STRN4: variants seen among roughly 807,000 people sequenced by gnomAD.
The protein encoded by STRN4 is striatin-4.
In STRN4, 27 loss-of-function variants were observed where a neutral mutation model predicts 77.9. That is an observed-to-expected ratio of 0.35 (90% CI 0.26 to 0.48). The LOEUF (loss-of-function observed/expected upper bound fraction) is 0.48, where lower values mean the gene tolerates loss of function less well. Among genes scored for constraint, STRN4 ranks in the 20% least tolerant of loss-of-function variants. STRN4 has a pLI of 0.99. For missense variants in STRN4, 798 were observed against 1,049.7 expected (o/e 0.76, Z 3.31); for synonymous variants, 466 against 443.1 (o/e 1.05, Z -0.65).
chr19:46,737,465 A>G (rs1490177757), intron 3 of STRN4, among the ~76,000 whole-genome samples: 1 of 152,172 alleles, frequency 6.6e-6, no homozygotes, highest in Non-Finnish European at 1.5e-5. Flanking sequence ...GGCAGCAGGT[A>G]ATGACCATCA....
At position 46,738,714 on chromosome 19, in the gene STRN4, G is replaced by T; in HGVS notation, c.386+71C>A. ...ATCTCCCTTAGCTGGAAGGAGGCGT[G>T]GCTGGTGGCCTCCTGACACTGTGCT... On this transcript the variant is annotated intron_variant, in intron 2 of 17. Coordinates refer to ENST00000263280, the MANE Select transcript of STRN4 (RefSeq NM_013403.3). This position sits in a 1 kb window ranked among gnomAD's most constrained non-coding sequence, Gnocchi z 4.5. The T allele has an allele frequency of 7.0e-7, 1 of 1,430,146 alleles. No homozygotes were observed. Among genetic ancestry groups the T allele is most frequent in the Non-Finnish European group, 9.9e-7 (1 of 1,014,526 alleles). The allele number at this position is 1,430,146 out of a possible 1,614,324, so 88.6% of individuals were successfully genotyped here. A position where few individuals can be genotyped will look rare whatever the true frequency, so the allele number is the denominator to read the frequency against.
chr19:46,729,912 C>A (rs1023214190), intron 6 of STRN4, among the ~76,000 whole-genome samples: 7 of 152,064 alleles, frequency 4.6e-5, no homozygotes, highest in Admixed American at 3.9e-4. Flanking sequence ...GGGCCAGGGC[C>A]CCCTGGGAGC....
At chr19:46,726,275 CGGGGAAGTGTTTAGAGCA>C in intron 9 of STRN4, 1 of 152,934 alleles carries the variant, frequency 6.5e-6, no homozygotes, top group South Asian at 2.1e-4. Context: ...AACAAGGAGC[CGGGGAAGTGTTTAGAGCA>C]GGGGAACGAC....
At position 46,727,342 on chromosome 19, in the gene STRN4, C is replaced by T. The variant is rs2054140968; in HGVS notation, c.1248+110G>A. On this transcript the variant is annotated intron_variant, in intron 9 of 17. Coordinates refer to ENST00000263280, the MANE Select transcript of STRN4 (RefSeq NM_013403.3). ...CTCCACTGTCTACATCTGCACCCCT[C>T]TGTGAAACAGGATGAGCAGGGCACG... 9.8e-6 allele frequency: 9 copies of T among 917,506 alleles called. No homozygotes were observed. The South Asian group carries it at 1.4e-4, about 14-fold the overall frequency. The allele number at this position is 917,506 out of a possible 1,614,324, so 56.8% of individuals were successfully genotyped here.
At chr19:46,740,514 A>C (rs2054454702) in intron 1 of STRN4, among the ~76,000 whole-genome samples, 1 of 151,796 alleles carries the variant, frequency 6.6e-6, no homozygotes, top group Non-Finnish European at 1.5e-5. Context: ...TACTCTCTGA[A>C]TCACTGGAGA....
intron 14 of STRN4, 52 bp downstream of exon 14, chr19:46,722,758 G>A (rs1216042057): frequency 6.2e-7 from 1 of 1,601,688 alleles, no homozygotes; most frequent in African/African-American, 1.3e-5. Context: ...GGAGGAAGTG[G>A]GGCCCAGAAG....
Position 46,720,324 on chromosome 19 carries a change from G to A in STRN4, c.*81C>T, listed in dbSNP as rs547526300. 1.5e-5 allele frequency: 5 copies of A among 334,736 alleles called. No homozygotes were observed. Among genetic ancestry groups the A allele is most frequent in the African/African-American group, 6.4e-5 (3 of 47,228 alleles). 20.7% of individuals were successfully genotyped at this position (334,736 alleles called of 1,614,324 possible). A position where few individuals can be genotyped will look rare whatever the true frequency, so the allele number is the denominator to read the frequency against. On this transcript the variant is annotated 3_prime_UTR_variant, in exon 18 of 18. Transcript: ENST00000263280. ...GAGGCCAGGCCTCTGCACCTCCAGC[G>A]AGGCTGGGAGTCCCCTGCGGGAAAG...
At chr19:46,730,575 G>A (rs938520884) in intron 6 of STRN4, among the ~76,000 whole-genome samples, 157 bp downstream of exon 6, 9 of 152,148 alleles carry the variant, frequency 5.9e-5, no homozygotes, top group African/African-American at 1.9e-4. Context: ...TTACAAGGCC[G>A]CTGCTGGCCA....
chr19:46,734,865 C>T (rs1301108742), intron 4 of STRN4, among the ~76,000 whole-genome samples: 2 of 152,052 alleles, frequency 1.3e-5, no homozygotes, highest in Non-Finnish European at 2.9e-5. Context: ...GGGGTTTTGC[C>T]GTGTTAGCCA....
rs571634304 is a variant in STRN4, at chr19:46,735,488, T to C, written c.539+1335A>G. On this transcript the variant is annotated intron_variant, in intron 4 of 17. Transcript: ENST00000263280. ...CAGCCTGGGAGACAGAGTGAGTTTA[T>C]TTATTTATTAAGATAACAGAGGCAA... 1.1e-4 allele frequency among the ~76,000 whole-genome samples: 16 copies of C among 151,774 alleles called. 1 individual carries two copies. The East Asian group carries it at 2.9e-3, about 28-fold the overall frequency.
intron 16 of STRN4, chr19:46,721,140 G>A (rs569932310): frequency 3.4e-4 from 61 of 177,748 alleles, no homozygotes; most frequent in Non-Finnish European, 6.1e-4. Context: ...GGCCCCAGGA[G>A]GAATGCAGGG....
intron 1 of STRN4, 186 bp downstream of exon 1, chr19:46,745,963 G>A (rs1047701577): frequency 1.4e-4 from 68 of 470,978 alleles, no homozygotes; most frequent in Non-Finnish European, 1.9e-4. Context: ...GTCCCACCCC[G>A]GAGTGCCCTC....
At chr19:46,728,922 C>CAGGGG in intron 6 of STRN4, 145 bp from the exon 7 acceptor site, 1 of 1,228,764 alleles carries the variant, frequency 8.1e-7, no homozygotes. Flanking sequence ...TGCCCTGGAG[C>CAGGGG]GCCCCCTGCT....
Position 46,746,371 on chromosome 19 carries a change from G to T in STRN4, c.60C>A (p.Leu20=). The change falls in exon 1 of 18, where the codon CTC becomes CTA. Residue 20 remains leucine, a synonymous_variant. Coordinates refer to ENST00000263280, the MANE Select transcript of STRN4 (RefSeq NM_013403.3). ...TGGGGCCAGGGCCCGCGCCTGAGCC[G>T]AGCGGACGGCAGGAGGAGGCGGCGG... ...VAAAASSCRP[L]GSGAGPGPTG... 6 of 1,149,420 alleles carry T rather than the reference G, an allele frequency of 5.2e-6. No homozygotes were observed. The highest frequency in any genetic ancestry group is 6.4e-6 in the Non-Finnish European group (6 of 937,060). 71.2% of individuals were successfully genotyped at this position (1,149,420 alleles called of 1,614,324 possible).
chr19:46,727,391 A>G, intron 9 of STRN4, 61 bp downstream of exon 9: 1 of 1,434,992 alleles, frequency 7.0e-7, no homozygotes, highest in South Asian at 1.2e-5. Context: ...CAGAGCTTGC[A>G]GGGGCTGGCC....
intron 5 of STRN4, 155 bp from the exon 6 acceptor site, chr19:46,731,028 AC>A: frequency 9.9e-7 from 1 of 1,012,302 alleles, no homozygotes; most frequent in Non-Finnish European, 1.4e-6. Context: ...CAGAGCCCCA[AC>A]CCCAGCCTCT....
At chr19:46,740,199 G>A (rs1282126699) in intron 1 of STRN4, 1 of 152,220 alleles carries the variant, frequency 6.6e-6, no homozygotes, top group African/African-American at 2.4e-5. Flanking sequence ...TGAGGCAGGA[G>A]AATCGCTTGA....
At chr19:46,726,768 T>C (rs28629329) in intron 9 of STRN4, among the ~76,000 whole-genome samples, 5,580 of 152,298 alleles carry the variant, frequency 0.037, 304 homozygotes, top group African/African-American at 0.13. Context: ...CTGCCTTAGC[T>C]GTCCCTTCTG....
chr19:46,746,242 C>T lies in STRN4; in HGVS notation c.189G>A (p.Leu63=), dbSNP rs1485721717. The change falls in exon 1 of 18, where the codon CTG becomes CTA. Residue 63 remains leucine, a synonymous_variant. Coordinates refer to ENST00000263280, the MANE Select transcript of STRN4 (RefSeq NM_013403.3). The part of the protein sequence containing the change: ...SPGPTAGPEP[L]SLPGILHFIQ... ...TAAAGTGCAGGATCCCCGGCAGGCT[C>T]AGGGGCTCCGGGCCCGCCGTGGGCC... The T allele has an allele frequency of 4.0e-6, 6 of 1,509,542 alleles. No homozygotes were observed. The highest frequency in any genetic ancestry group is 4.4e-6 in the Non-Finnish European group (5 of 1,137,428). 93.5% of individuals were successfully genotyped at this position (1,509,542 alleles called of 1,614,324 possible).
Sources: allele counts gnomAD v4.1 joint callset (sites outside exome capture counted in the v4.1 genomes callset), GRCh38; gene constraint gnomAD v4.1.1; non-coding constraint Gnocchi (gnomAD v3.1); transcripts MANE v1.5; gene names NCBI Gene and HGNC (gene_info 2026-07-23, HGNC 2026-07-21).